ASH1L: variants seen among roughly 807,000 people sequenced by gnomAD.
ASH1L encodes histone-lysine N-methyltransferase ASH1L.
A neutral mutation model predicts 269.0 loss-of-function variants in ASH1L; 23 were observed. That is an observed-to-expected ratio of 0.09 (90% CI 0.06 to 0.12). ASH1L has a LOEUF of 0.12. ASH1L is among the 10% of genes least tolerant of loss of function. The pLI is 1.00. For missense variants in ASH1L, 2,912 were observed against 3,567.8 expected (o/e 0.82, Z 4.68); for synonymous variants, 1,187 against 1,253.5 (o/e 0.95, Z 1.12).
chr1:155,483,539 G>A (rs142149991), intron 2 of ASH1L, among the ~76,000 whole-genome samples: 501 of 152,008 alleles, frequency 3.3e-3, no homozygotes, highest in Non-Finnish European at 4.9e-3. Flanking sequence ...ATTCAAGCAC[G>A]TATGAAAATG....
chr1:155,361,094 C>T (rs1485532094), intron 12 of ASH1L, among the ~76,000 whole-genome samples: 1 of 151,898 alleles, frequency 6.6e-6, no homozygotes. Flanking sequence ...TAAAAATTAG[C>T]CAGGCGAGGC....
chr1:155,397,658 C>T (rs949905533), intron 6 of ASH1L, among the ~76,000 whole-genome samples: 12 of 152,120 alleles, frequency 7.9e-5, no homozygotes, highest in Non-Finnish European at 8.8e-5. Context: ...TCAAGTAATT[C>T]TTGTGCCTCA....
intron 2 of ASH1L, among the ~76,000 whole-genome samples, chr1:155,498,404 G>GC (rs1257027023): frequency 1.3e-5 from 2 of 151,946 alleles, no homozygotes; most frequent in Non-Finnish European, 2.9e-5. Context: ...TGCATGGCTA[G>GC]TTTTTTTGGT....
chr1:155,381,843 C>T (rs1386229840), intron 7 of ASH1L, among the ~76,000 whole-genome samples: 2 of 151,166 alleles, frequency 1.3e-5, no homozygotes, highest in African/African-American at 2.4e-5. Context: ...GTCAAGATCA[C>T]GTACTGCACT....
At chr1:155,517,141 A>T (rs1450401119) in intron 2 of ASH1L, among the ~76,000 whole-genome samples, 1 of 152,204 alleles carries the variant, frequency 6.6e-6, no homozygotes, top group Non-Finnish European at 1.5e-5. Flanking sequence ...CCAAATAGCC[A>T]AAACAATTTT....
chr1:155,360,695 C>T (rs994358789), intron 12 of ASH1L, among the ~76,000 whole-genome samples: 4 of 151,558 alleles, frequency 2.6e-5, no homozygotes, highest in African/African-American at 4.8e-5. Flanking sequence ...CTGCCCGCCT[C>T]GGCCTCCCAA....
At position 155,429,804 on chromosome 1, in the gene ASH1L, CTTAT is replaced by C. The variant is rs550999951; in HGVS notation, c.5828+8519_5828+8522del. 1.4e-3 allele frequency among the ~76,000 whole-genome samples: 216 copies of C among 152,036 alleles called. 2 individuals are homozygous for C. Among genetic ancestry groups the C allele is most frequent in the South Asian group, 0.013 (64 of 4,812 alleles). ...ATGTTATGTATTCTCTTGTTTGTCTCTTATTTGTTTTTTAAGACAGGTTCTCGCT... is the reference window on the plus strand; with the variant it reads ...ATGTTATGTATTCTCTTGTTTGTCTCTTGTTTTTTAAGACAGGTTCTCGCT... On this transcript the variant is annotated intron_variant, in intron 5 of 27. Transcript: ENST00000392403.
intron 3 of ASH1L, among the ~76,000 whole-genome samples, chr1:155,467,826 TAAC>T (rs1664799175): frequency 6.6e-6 from 1 of 152,150 alleles, no homozygotes; most frequent in Admixed American, 6.5e-5. Flanking sequence ...ATGTTTTACT[TAAC>T]AATTTGTATT....
At chr1:155,390,558 C>G (rs1657827644) in intron 7 of ASH1L, among the ~76,000 whole-genome samples, 1 of 152,004 alleles carries the variant, frequency 6.6e-6, no homozygotes, top group Non-Finnish European at 1.5e-5. Context: ...ATTCTAAAGA[C>G]TTCTGCAGAA....
chr1:155,539,285 A>T (rs1670263676), intron 1 of ASH1L, among the ~76,000 whole-genome samples: 1 of 151,798 alleles, frequency 6.6e-6, no homozygotes, highest in South Asian at 2.1e-4. Context: ...CACATAAATA[A>T]TCTGTGATTA....
Position 155,433,722 on chromosome 1 carries a change from A to C in ASH1L, c.5828+4605T>G, listed in dbSNP as rs542256865. On this transcript the variant is annotated intron_variant, in intron 5 of 27. Transcript: ENST00000392403. The stretch of plus-strand genomic sequence containing the variant: ...GTTCTATTTGGGAAGGTGTTCAGCC[A>C]AACGACCATCTGCCGCTTTGAGGGT... 11 of 1,601,352 alleles carry C rather than the reference A, an allele frequency of 6.9e-6. No homozygotes were observed. The South Asian group carries it at 1.2e-4, about 18-fold the overall frequency.
chr1:155,482,733 C>T, intron 2 of ASH1L, among the ~76,000 whole-genome samples: 1 of 152,040 alleles, frequency 6.6e-6, no homozygotes, highest in East Asian at 1.9e-4. Context: ...TTTTAAATGG[C>T]AAATCAATAG....
chr1:155,345,564 T>C (rs1380210624), intron 21 of ASH1L, among the ~76,000 whole-genome samples: 1 of 146,048 alleles, frequency 6.8e-6, no homozygotes, highest in Admixed American at 7.0e-5. Context: ...TGAGCCACCA[T>C]GCCCAGCTTT....
At chr1:155,544,974 A>C (rs1396900853) in intron 1 of ASH1L, among the ~76,000 whole-genome samples, 2 of 151,342 alleles carry the variant, frequency 1.3e-5, no homozygotes, top group Non-Finnish European at 2.9e-5. Flanking sequence ...GGAGTTCGAG[A>C]CCAGCCTAAC....
intron 8 of ASH1L, among the ~76,000 whole-genome samples, chr1:155,379,449 A>G (rs1365359379): frequency 1.3e-5 from 2 of 152,138 alleles, no homozygotes; most frequent in Non-Finnish European, 2.9e-5. Flanking sequence ...CTATTTCCCA[A>G]TGGTTGTTCT....
Position 155,481,096 on chromosome 1 carries a change from T to C in ASH1L, c.1774A>G (p.Ile592Val). The change falls in exon 3 of 28, where the codon ATC (isoleucine) becomes GTC (valine). Residue 592 changes from isoleucine (I) to valine (V), a missense_variant. Around this residue, in one of 13 missense-constraint regions of ASH1L, gnomAD observed 715 missense variants for 721.0 expected, o/e 0.99. Transcript: ENST00000392403. Reference protein sequence around the residue: ...PLLLSSTTELIEEISESVGKN... With the variant: ...PLLLSSTTELVEEISESVGKN... Reference sequence around the variant, plus strand: ...CCAACAGATTCAGAAATTTCTTCGATTAGTTCTGTAGTAGAACTTAAAAGT... The same window carrying C: ...CCAACAGATTCAGAAATTTCTTCGACTAGTTCTGTAGTAGAACTTAAAAGT... 2.5e-6 allele frequency: 4 copies of C among 1,614,138 alleles called. No homozygotes were observed. The highest frequency in any genetic ancestry group is 3.4e-6 in the Non-Finnish European group (4 of 1,179,980).
chr1:155,390,467 C>T (rs970240068), intron 7 of ASH1L, among the ~76,000 whole-genome samples: 2 of 152,138 alleles, frequency 1.3e-5, no homozygotes, highest in South Asian at 2.1e-4. Flanking sequence ...AATTTTCCAA[C>T]TCATTTAATG....
chr1:155,465,333 T>C (rs993707420), intron 3 of ASH1L, among the ~76,000 whole-genome samples: 3 of 150,108 alleles, frequency 2.0e-5, no homozygotes, highest in African/African-American at 7.4e-5. Context: ...AATCAATAGT[T>C]GGTTGGACAA....
chr1:155,460,049 TAAG>T (rs1664174346), intron 3 of ASH1L, 151 bp from the exon 4 acceptor site: 1 of 591,696 alleles, frequency 1.7e-6, no homozygotes, highest in Admixed American at 3.4e-5. Flanking sequence ...AGGAGGAAAA[TAAG>T]CAGAGGACAA....
Sources: allele counts gnomAD v4.1 joint callset (sites outside exome capture counted in the v4.1 genomes callset), GRCh38; gene constraint gnomAD v4.1.1; regional missense constraint gnomAD v4.1.1; transcripts MANE v1.5; gene names NCBI Gene and HGNC (gene_info 2026-07-23, HGNC 2026-07-21).